Variants in AGBL3 observed in about 807,000 individuals in gnomAD.
AGBL3 encodes the protein AGBL carboxypeptidase 3.
AGBL3 carries 68 observed loss-of-function variants against 94.5 expected under a neutral mutation model. That is an observed-to-expected ratio of 0.72 (90% CI 0.59 to 0.88). The LOEUF is 0.88. Ranked by LOEUF, AGBL3 falls within the 40% of genes least tolerant of loss-of-function variation. The pLI is 0.00. For synonymous variants in AGBL3, 354 were observed against 370.7 expected, an observed-to-expected ratio of 0.95 and a Z score of 0.52; for missense variants, 934 against 1,103.8, an observed-to-expected ratio of 0.85 and a Z score of 2.18.
chr7:135,014,310 C>T (rs1337185674), intron 4 of AGBL3, among the ~76,000 whole-genome samples: 1 of 149,354 alleles, frequency 6.7e-6, no homozygotes, highest in Non-Finnish European at 1.5e-5. Flanking sequence ...AACTTTTACA[C>T]AATAAACAAG....
At chr7:135,121,357 T>C (rs1827102489) in intron 16 of AGBL3, among the ~76,000 whole-genome samples, 1 of 152,152 alleles carries the variant, frequency 6.6e-6, no homozygotes, top group South Asian at 2.1e-4. Context: ...AATATCTAAC[T>C]GACATTTAAG....
chr7:135,118,421 A>G (rs1826629222), intron 16 of AGBL3, among the ~76,000 whole-genome samples: 1 of 152,188 alleles, frequency 6.6e-6, no homozygotes, highest in South Asian at 2.1e-4. Context: ...CATCTGTCCA[A>G]TAATAATTAG....
chr7:135,063,485 T>G (rs1226163461), intron 12 of AGBL3, among the ~76,000 whole-genome samples: 1 of 152,114 alleles, frequency 6.6e-6, no homozygotes, highest in Admixed American at 6.6e-5. Context: ...GCTCAAAAGA[T>G]CTTCTTTTTT....
intron 4 of AGBL3, among the ~76,000 whole-genome samples, chr7:134,999,506 A>C (rs991020323): frequency 6.6e-6 from 1 of 152,136 alleles, no homozygotes; most frequent in African/African-American, 2.4e-5. Context: ...CATTTATTTC[A>C]TGGACCCACA....
rs565482307 is a variant in AGBL3, at chr7:135,045,385, A to C, written c.1628-89A>C. 1.3e-5 allele frequency: 13 copies of C among 1,000,754 alleles called. No homozygotes were observed. In the East Asian group the frequency reaches 3.1e-4, roughly 24 times the overall value. 62.0% of individuals were successfully genotyped at this position (1,000,754 alleles called of 1,614,324 possible). ...AAAGGATAGGATATGGAATCATATC[A>C]ATGTTTTGTTTATAGTGTTTTGCAA... is the stretch of plus-strand genomic sequence containing the variant. On this transcript the variant is annotated intron_variant, in intron 9 of 16. Coordinates refer to ENST00000436302, the MANE Select transcript of AGBL3 (RefSeq NM_178563.4).
intron 13 of AGBL3, among the ~76,000 whole-genome samples, chr7:135,077,313 T>C (rs1820546363): frequency 6.6e-6 from 1 of 152,160 alleles, no homozygotes; most frequent in Admixed American, 6.5e-5. Context: ...TGCTTGCCCT[T>C]ATCTTGGTTT....
At chr7:135,002,872 T>C (rs1210766686) in intron 4 of AGBL3, among the ~76,000 whole-genome samples, 8 of 152,220 alleles carry the variant, frequency 5.3e-5, no homozygotes, top group Admixed American at 4.6e-4. Context: ...TTATATAAGC[T>C]ACCTGATGAA....
At chr7:135,056,831 A>G (rs1439825032) in intron 11 of AGBL3, among the ~76,000 whole-genome samples, 1 of 152,150 alleles carries the variant, frequency 6.6e-6, no homozygotes, top group African/African-American at 2.4e-5. Context: ...TTTTGACTCA[A>G]TGTAATTCCA....
intron 15 of AGBL3, among the ~76,000 whole-genome samples, chr7:135,112,091 A>T (rs1825720524): frequency 6.6e-6 from 1 of 152,218 alleles, no homozygotes; most frequent in Admixed American, 6.5e-5. Context: ...GTCTTTAATA[A>T]CATGAAGCTC....
At chr7:135,114,904 A>T (rs181264041) in intron 15 of AGBL3, among the ~76,000 whole-genome samples, 1 of 152,268 alleles carries the variant, frequency 6.6e-6, no homozygotes, top group East Asian at 1.9e-4. Flanking sequence ...TTGAGGCCCA[A>T]CATGAGCTGA....
At chr7:135,101,931 C>A (rs1028980062) in intron 15 of AGBL3, among the ~76,000 whole-genome samples, 1 of 152,174 alleles carries the variant, frequency 6.6e-6, no homozygotes, top group East Asian at 1.9e-4. Flanking sequence ...ATAAGTCTCA[C>A]GAGATCCGTT....
rs566307123 is a variant in AGBL3, at chr7:135,020,825, C to T, written c.418+3666C>T. On this transcript the variant is annotated intron_variant, in intron 5 of 16. Transcript: ENST00000436302. ...ATCGCAAGGCCAAAAAACCAAACAC[C>T]GCATGTTCTCACTCCTAGGTGGGAA... is the stretch of plus-strand genomic sequence containing the variant. Among the ~76,000 whole-genome samples, 11 of 149,680 alleles carry T rather than the reference C, an allele frequency of 7.3e-5. No homozygotes were observed. In the East Asian group the frequency reaches 1.6e-3, roughly 22 times the overall value.
At chr7:135,132,395 C>T (rs1828889654) in intron 16 of AGBL3, among the ~76,000 whole-genome samples, 1 of 152,092 alleles carries the variant, frequency 6.6e-6, no homozygotes, top group Non-Finnish European at 1.5e-5. Flanking sequence ...TTCATATTAG[C>T]AAGCTTAAGA....
intron 12 of AGBL3, among the ~76,000 whole-genome samples, chr7:135,071,750 C>T (rs1274025349): frequency 1.3e-5 from 2 of 152,162 alleles, no homozygotes; most frequent in South Asian, 2.1e-4. Context: ...ACACCTTATA[C>T]AAAAATTAAT....
At chr7:135,091,315 G>T (rs1230670273) in intron 15 of AGBL3, among the ~76,000 whole-genome samples, 1 of 152,012 alleles carries the variant, frequency 6.6e-6, no homozygotes. Context: ...ATATGTGGGG[G>T]ATTTGTTCCA....
intron 15 of AGBL3, among the ~76,000 whole-genome samples, chr7:135,105,182 G>A (rs1036184009): frequency 1.4e-4 from 21 of 145,058 alleles, no homozygotes; most frequent in Non-Finnish European, 2.8e-4. Context: ...AGATTCTCTT[G>A]CCTCAGCCTC....
At chr7:135,074,115 C>T (rs1051837040) in intron 12 of AGBL3, among the ~76,000 whole-genome samples, 17 of 152,048 alleles carry the variant, frequency 1.1e-4, no homozygotes, top group African/African-American at 2.4e-4. Context: ...TGAGGTGATA[C>T]GTGTGTTAAT....
rs528187426 is a variant in AGBL3 at position 135,083,032 on chromosome 7, C to T, written c.2110+1242C>T. ...TGGCAGTACTATCTCCATAACCACTCCAGCTACAAATCTGATTGGTATCCT... is the reference window on the plus strand; with the variant it reads ...TGGCAGTACTATCTCCATAACCACTTCAGCTACAAATCTGATTGGTATCCT... On this transcript the variant is annotated intron_variant, in intron 15 of 16. Transcript: ENST00000436302. 1.7e-3 allele frequency among the ~76,000 whole-genome samples: 258 copies of T among 152,208 alleles called. 2 individuals are homozygous for T. The highest frequency in any genetic ancestry group is 6.1e-3 in the African/African-American group (255 of 41,540).
chr7:135,026,263 T>TTTTA (rs1554497763), intron 5 of AGBL3, among the ~76,000 whole-genome samples: 1 of 63,612 alleles, frequency 1.6e-5, no homozygotes, highest in African/African-American at 4.5e-5. Context: ...TTTTATTTTA[T>TTTTA]TTTATTTTAT....
Sources: allele counts gnomAD v4.1 joint callset (sites outside exome capture counted in the v4.1 genomes callset), GRCh38; gene constraint gnomAD v4.1.1; transcripts MANE v1.5; gene names NCBI Gene and HGNC (gene_info 2026-07-23, HGNC 2026-07-21).